Variants in GLB1L3 observed in about 807,000 individuals in gnomAD.
GLB1L3 encodes galactosidase beta 1 like 3.
In GLB1L3, 89 loss-of-function variants were observed where a neutral mutation model predicts 89.5. The ratio of observed to expected loss-of-function variants is 0.99; its 90% CI spans 0.84 to 1.19. The LOEUF is 1.19. GLB1L3 is among the 50% of genes most tolerant of loss of function. GLB1L3 has a pLI of 0.00. For missense variants in GLB1L3, 812 were observed against 813.3 expected (o/e 1.00, Z 0.02); for synonymous variants, 314 against 312.3 (o/e 1.01, Z -0.06).
chr11:134,292,521 C>A, intron 8 of GLB1L3: 1 of 248,392 alleles, frequency 4.0e-6, no homozygotes, highest in Non-Finnish European at 7.9e-6. Flanking sequence ...ATTGGTGCTG[C>A]GCCTGGCTTG....
chr11:134,281,269 T>C, intron 3 of GLB1L3, 108 bp from the exon 4 acceptor site: 1 of 1,276,402 alleles, frequency 7.8e-7, no homozygotes, highest in Non-Finnish European at 1.1e-6. Context: ...CTTCAACTTA[T>C]TTCAAAATAG....
chr11:134,303,704 T>C (rs1047226978), intron 9 of GLB1L3, among the ~76,000 whole-genome samples: 2 of 152,250 alleles, frequency 1.3e-5, no homozygotes, highest in Non-Finnish European at 2.9e-5. Context: ...ATCATGTATT[T>C]GTTTTATACA....
chr11:134,292,419 T>C, intron 8 of GLB1L3: 1 of 488,528 alleles, frequency 2.0e-6, no homozygotes, highest in Non-Finnish European at 3.7e-6. Flanking sequence ...TTGGCCTTGC[T>C]CCTGCCGTCT....
At chr11:134,298,069 T>C (rs918842832) in intron 9 of GLB1L3, among the ~76,000 whole-genome samples, 11 of 150,218 alleles carry the variant, frequency 7.3e-5, no homozygotes, top group African/African-American at 2.7e-4. Flanking sequence ...ATTCTTATCT[T>C]TTTTTTTTGT....
intron 9 of GLB1L3, among the ~76,000 whole-genome samples, chr11:134,306,891 T>C (rs149098949): frequency 2.0e-5 from 3 of 152,152 alleles, no homozygotes; most frequent in Admixed American, 2.0e-4. Context: ...CCGGGTATAG[T>C]AGGGAGGCAC....
Position 134,277,915 on chromosome 11 carries a change from G to A in GLB1L3, c.362+3G>A, listed in dbSNP as rs1940468783. 1 of 1,613,532 alleles carries A rather than the reference G, an allele frequency of 6.2e-7. No individual in the cohort carries two copies. The highest frequency in any genetic ancestry group is 8.5e-7 in the Non-Finnish European group (1 of 1,179,870). ...TGTGGCTTCAATACTGTCACCACGTGAGTGCCGGCCCCTCACCTCCAGGAT... is the reference window on the plus strand; with the variant it reads ...TGTGGCTTCAATACTGTCACCACGTAAGTGCCGGCCCCTCACCTCCAGGAT... On this transcript the variant is annotated splice_donor_region_variant and intron_variant, in intron 3 of 19. Transcript: ENST00000431683.
At chr11:134,323,406 C>CGT (rs1310314966), downstream of GLB1L3, among the ~76,000 whole-genome samples, 38 of 147,848 alleles carry the variant, frequency 2.6e-4, no homozygotes, top group African/African-American at 3.9e-4. Flanking sequence ...TACACACACA[C>CGT]ACACACACAC....
At chr11:134,308,550 T>C (rs1317633020) in intron 10 of GLB1L3, among the ~76,000 whole-genome samples, 29 of 16,850 alleles carry the variant, frequency 1.7e-3, no homozygotes, top group South Asian at 4.0e-3. Flanking sequence ...ACCATCACCA[T>C]CACCATCACC....
intron 10 of GLB1L3, among the ~76,000 whole-genome samples, chr11:134,308,418 ATC>A: frequency 9.8e-6 from 1 of 101,760 alleles, no homozygotes; most frequent in Non-Finnish European, 1.9e-5. Context: ...CACCACCACC[ATC>A]ATCACCATCA....
intron 6 of GLB1L3, among the ~76,000 whole-genome samples, chr11:134,288,411 G>A (rs948427596): frequency 2.0e-5 from 3 of 152,196 alleles, no homozygotes; most frequent in African/African-American, 7.2e-5. Context: ...CCAGAGCCAC[G>A]TTCCTGATCA....
chr11:134,321,607 A>G (rs1382281853), downstream of GLB1L3, among the ~76,000 whole-genome samples: 4 of 152,198 alleles, frequency 2.6e-5, no homozygotes, highest in African/African-American at 7.2e-5. Context: ...GGAGGAGTTC[A>G]TGTCCTTTGT....
chr11:134,300,525 G>A (rs192677421), intron 9 of GLB1L3, among the ~76,000 whole-genome samples: 4 of 151,944 alleles, frequency 2.6e-5, no homozygotes, highest in Admixed American at 6.5e-5. Context: ...TAGTAGAGAC[G>A]GGGTTTCACC....
chr11:134,304,141 C>G (rs1165435089), intron 9 of GLB1L3, among the ~76,000 whole-genome samples: 2 of 152,160 alleles, frequency 1.3e-5, no homozygotes, highest in Admixed American at 6.5e-5. Flanking sequence ...TCTCACTCCT[C>G]TCATCCTGGA....
rs780688886 is a variant in GLB1L3, at chr11:134,318,783, A to C, written c.1896+36A>C. ...CCAGTCTCTGCCTTGAGATCTCATA[A>C]ACTTTCAGATCAAAATGTGAGTTGC... On this transcript the variant is annotated intron_variant, in intron 19 of 19. Transcript: ENST00000431683. 5 of 1,552,042 alleles carry C rather than the reference A, an allele frequency of 3.2e-6. No individual in the cohort carries two copies. The South Asian group carries it at 5.6e-5, about 17-fold the overall frequency.
At chr11:134,277,523 G>A (rs1290473251) in intron 2 of GLB1L3, 72 bp downstream of exon 2, 4 of 1,580,860 alleles carry the variant, frequency 2.5e-6, no homozygotes, top group African/African-American at 1.4e-5. Context: ...ATAGTATCGC[G>A]AATATGCACA....
chr11:134,280,491 T>G (rs994499254), intron 3 of GLB1L3, among the ~76,000 whole-genome samples: 6 of 152,232 alleles, frequency 3.9e-5, no homozygotes, highest in African/African-American at 7.2e-5. Flanking sequence ...TCTGTATCCT[T>G]ACAAGTTTCT....
At chr11:134,291,460 G>A (rs574684401) in intron 7 of GLB1L3, among the ~76,000 whole-genome samples, 8 of 152,066 alleles carry the variant, frequency 5.3e-5, no homozygotes, top group African/African-American at 1.9e-4. Flanking sequence ...TGGCCAAGCT[G>A]GTCTCAAACT....
rs1451908017 is a variant in GLB1L3 at position 134,310,011 on chromosome 11, G to A, written c.1099+248G>A. 5.0e-5 allele frequency: 26 copies of A among 524,462 alleles called. No homozygotes were observed. The East Asian group carries it at 7.6e-4, about 15-fold the overall frequency. 32.5% of individuals were successfully genotyped at this position (524,462 alleles called of 1,614,324 possible). A position where few individuals can be genotyped will look rare whatever the true frequency, so the allele number is the denominator to read the frequency against. On this transcript the variant is annotated intron_variant, in intron 11 of 19. Coordinates refer to ENST00000431683, the MANE Select transcript of GLB1L3 (RefSeq NM_001080407.3). ...ACACATCTGGTATACTGCCCTGTTG[G>A]CTTGAACCTCTGAAGAGAGGCAGGG...
At position 134,319,074 on chromosome 11, in the gene GLB1L3, C is replaced by G; in HGVS notation, c.*132C>G. 4.5e-6 allele frequency: 3 copies of G among 663,590 alleles called. No homozygotes were observed. The highest frequency in any genetic ancestry group is 3.6e-5 in the South Asian group (2 of 55,700). The allele number at this position is 663,590 out of a possible 1,614,324, so 41.1% of individuals were successfully genotyped here. On this transcript the variant is annotated 3_prime_UTR_variant, in exon 20 of 20. Transcript: ENST00000431683. ...GGTTCACGCCATTCTCCTGCCTCAG[C>G]CTCCCCAGCAGCTGGGACTACAGGT...
Sources: allele counts gnomAD v4.1 joint callset (sites outside exome capture counted in the v4.1 genomes callset), GRCh38; gene constraint gnomAD v4.1.1; transcripts MANE v1.5; gene names NCBI Gene and HGNC (gene_info 2026-07-23, HGNC 2026-07-21).